RFX3: variants seen among roughly 807,000 people sequenced by gnomAD.
RFX3 encodes the protein regulatory factor X3.
Under a neutral mutation model 98.6 loss-of-function variants are expected in RFX3, and 14 were observed. That is an observed-to-expected ratio of 0.14 (90% confidence interval 0.09 to 0.22). RFX3 has a LOEUF of 0.22. RFX3 is among the 10% of genes least tolerant of loss of function. RFX3 has a pLI of 1.00. For missense variants in RFX3, 639 were observed against 926.9 expected (o/e 0.69, Z 4.03); for synonymous variants, 383 against 328.4 (o/e 1.17, Z -1.80).
chr9:3,356,872 A>G (rs1835830505), intron 2 of RFX3, among the ~76,000 whole-genome samples: 2 of 151,846 alleles, frequency 1.3e-5, no homozygotes, highest in South Asian at 4.2e-4. Context: ...ATAAAAGAAA[A>G]AAACATATGA....
At chr9:3,425,487 T>A (rs1441815263) in intron 1 of RFX3, among the ~76,000 whole-genome samples, 2 of 152,202 alleles carry the variant, frequency 1.3e-5, no homozygotes, top group African/African-American at 4.8e-5. Context: ...TTAAAATGTA[T>A]AAAATAGCCC....
intron 2 of RFX3, among the ~76,000 whole-genome samples, chr9:3,394,273 C>T (rs1310352136): frequency 6.6e-6 from 1 of 152,066 alleles, no homozygotes; most frequent in African/African-American, 2.4e-5. Flanking sequence ...ACCATCCTGG[C>T]TAACATGGTG....
chr9:3,504,423 C>T (rs140052086), intron 1 of RFX3, among the ~76,000 whole-genome samples: 6,450 of 106,610 alleles, frequency 0.061, 814 homozygotes, highest in East Asian at 0.4. Flanking sequence ...TTATATACCA[C>T]ATAGTATATA....
At chr9:3,290,022 A>C (rs371173707) in intron 6 of RFX3, among the ~76,000 whole-genome samples, 38 of 152,212 alleles carry the variant, frequency 2.5e-4, no homozygotes, top group African/African-American at 8.7e-4. Flanking sequence ...AGTAAATGCT[A>C]AACAGTTTCT....
chr9:3,394,042 T>C (rs1840594232), intron 2 of RFX3, among the ~76,000 whole-genome samples: 2 of 152,286 alleles, frequency 1.3e-5, no homozygotes, highest in African/African-American at 4.8e-5. Context: ...GATTGAAACA[T>C]GTAACACTTT....
chr9:3,274,265 T>C (rs1229236133), intron 9 of RFX3, among the ~76,000 whole-genome samples: 2 of 152,206 alleles, frequency 1.3e-5, no homozygotes, highest in African/African-American at 2.4e-5. Context: ...TGTCTATTAA[T>C]GCTATGAGCT....
intron 7 of RFX3, among the ~76,000 whole-genome samples, chr9:3,278,042 A>C (rs1384713106): frequency 1.3e-5 from 2 of 152,006 alleles, no homozygotes; most frequent in African/African-American, 4.8e-5. Context: ...AAATATATGC[A>C]AGAATCAATC....
At chr9:3,271,228 T>A in intron 9 of RFX3, 110 bp from the exon 10 acceptor site, 1 of 797,614 alleles carries the variant, frequency 1.3e-6, no homozygotes. Context: ...CTTGGGGTCA[T>A]AAGTTAACAT....
intron 1 of RFX3, among the ~76,000 whole-genome samples, chr9:3,421,763 T>C (rs560629368): frequency 6.6e-5 from 10 of 152,316 alleles, no homozygotes; most frequent in Admixed American, 5.2e-4. Context: ...CATAGACGAA[T>C]GCTGGCTTCC....
At chr9:3,283,308 C>T (rs1230312096) in intron 7 of RFX3, among the ~76,000 whole-genome samples, 3 of 151,720 alleles carry the variant, frequency 2.0e-5, no homozygotes, top group Non-Finnish European at 4.4e-5. Context: ...AATTATCTAA[C>T]ACTTTAACAC....
chr9:3,346,412 A>G (rs543070500), intron 3 of RFX3, among the ~76,000 whole-genome samples: 1 of 152,330 alleles, frequency 6.6e-6, no homozygotes. Context: ...TTTTCTCTAC[A>G]TAGGAAGAAC....
intron 1 of RFX3, among the ~76,000 whole-genome samples, chr9:3,449,367 C>A (rs564099386): frequency 1.3e-5 from 2 of 152,168 alleles, no homozygotes; most frequent in Non-Finnish European, 2.9e-5. Context: ...CTCTGCCTCA[C>A]ACAGTTTTTC....
At chr9:3,334,423 C>A (rs1199286336) in intron 3 of RFX3, among the ~76,000 whole-genome samples, 1 of 152,198 alleles carries the variant, frequency 6.6e-6, no homozygotes, top group Non-Finnish European at 1.5e-5. Context: ...CAAGGGATCA[C>A]TGCAGCTTTT....
In RFX3 at chr9:3,502,671, C is replaced by CT. The variant is rs563484719; in HGVS notation, c.-9+23075dup. 1.3e-4 allele frequency among the ~76,000 whole-genome samples: 20 copies of CT among 152,252 alleles called. No individual in the cohort carries two copies. In the East Asian group the frequency reaches 3.9e-3, roughly 29 times the overall value. ...ACAATTCAAAATATTAAATTTAACA[C>CT]TTGTTTAGAAACTTTCATTATTTTC... On this transcript the variant is annotated intron_variant, in intron 1 of 16. Coordinates refer to ENST00000617270, the MANE Select transcript of RFX3 (RefSeq NM_001282116.2).
chr9:3,323,585 G>T (rs889808901), intron 4 of RFX3, among the ~76,000 whole-genome samples: 1 of 152,066 alleles, frequency 6.6e-6, no homozygotes, highest in Admixed American at 6.6e-5. Context: ...ATATTTATAA[G>T]TAGAATTTAT....
intron 4 of RFX3, among the ~76,000 whole-genome samples, chr9:3,307,391 T>C (rs1234577467): frequency 1.3e-5 from 2 of 152,122 alleles, no homozygotes; most frequent in Admixed American, 6.6e-5. Flanking sequence ...TCACTTCATA[T>C]ATTATTAATA....
At chr9:3,488,502 C>T (rs1044255444) in intron 1 of RFX3, among the ~76,000 whole-genome samples, 1 of 152,106 alleles carries the variant, frequency 6.6e-6, no homozygotes, top group African/African-American at 2.4e-5. Context: ...ACACAGACAA[C>T]TCAAATGGTT....
At chr9:3,312,303 A>G (rs1456972458) in intron 4 of RFX3, among the ~76,000 whole-genome samples, 1 of 152,164 alleles carries the variant, frequency 6.6e-6, no homozygotes, top group East Asian at 1.9e-4. Context: ...TGTGGCTTTA[A>G]AACTTCAAAT....
chr9:3,449,900 A>G (rs1046855577), intron 1 of RFX3, among the ~76,000 whole-genome samples: 1 of 151,622 alleles, frequency 6.6e-6, no homozygotes, highest in Admixed American at 6.6e-5. Flanking sequence ...AAAAAAAAAA[A>G]CCTAAGACAC....
Sources: allele counts gnomAD v4.1 joint callset (sites outside exome capture counted in the v4.1 genomes callset), GRCh38; gene constraint gnomAD v4.1.1; transcripts MANE v1.5; gene names NCBI Gene and HGNC (gene_info 2026-07-23, HGNC 2026-07-21).